The following GRID2 variants were observed in gnomAD, a reference collection of about 807,000 sequenced individuals.
GRID2 encodes glutamate ionotropic receptor delta type subunit 2.
In GRID2, 33 loss-of-function variants were observed where a neutral mutation model predicts 114.8. The observed-to-expected ratio is 0.29, with a 90% CI of 0.22 to 0.38. GRID2 has a LOEUF of 0.38. Among genes scored for constraint, GRID2 ranks in the 10% least tolerant of loss-of-function variants. The pLI is 1.00. For synonymous variants in GRID2, 505 were observed against 449.9 expected, an observed-to-expected ratio of 1.12 and a Z score of -1.55; for missense variants, 1,184 against 1,257.7, an observed-to-expected ratio of 0.94 and a Z score of 0.89.
intron 2 of GRID2, among the ~76,000 whole-genome samples, chr4:92,982,841 T>A (rs746466240): frequency 6.6e-6 from 1 of 152,172 alleles, no homozygotes; most frequent in Non-Finnish European, 1.5e-5. Flanking sequence ...AATTTCTACT[T>A]TTTTAATTTA....
chr4:92,742,001 T>A (rs1397217555), intron 2 of GRID2, among the ~76,000 whole-genome samples: 1 of 152,182 alleles, frequency 6.6e-6, no homozygotes, highest in African/African-American at 2.4e-5. Flanking sequence ...GATGTTACTG[T>A]AGGGTGTTTC....
chr4:92,341,225 G>C (rs1420975107), intron 1 of GRID2, among the ~76,000 whole-genome samples: 1 of 152,014 alleles, frequency 6.6e-6, no homozygotes, highest in Non-Finnish European at 1.5e-5. Flanking sequence ...AATCTTATCA[G>C]TCTGCTAGCA....
At chr4:93,029,924 T>C (rs529125630) in intron 2 of GRID2, among the ~76,000 whole-genome samples, 29 of 152,290 alleles carry the variant, frequency 1.9e-4, no homozygotes, top group Non-Finnish European at 3.1e-4. Context: ...TTTCTTAGCA[T>C]GCAAATAAAA....
chr4:93,790,591 G>T (rs947424407), intron 1 of GRID2, among the ~76,000 whole-genome samples: 1 of 150,566 alleles, frequency 6.6e-6, no homozygotes, highest in Non-Finnish European at 1.5e-5. Context: ...TCTGTCGCCA[G>T]GCTGCAGTGC....
intron 1 of GRID2, among the ~76,000 whole-genome samples, chr4:92,442,950 A>G (rs28827549): frequency 0.2 from 30,138 of 151,614 alleles, 3,099 homozygotes; most frequent in Non-Finnish European, 0.24. Context: ...GGTGATAAAA[A>G]GATTATAGGG....
chr4:92,342,376 A>G (rs867914180), intron 1 of GRID2, among the ~76,000 whole-genome samples: 3 of 152,170 alleles, frequency 2.0e-5, no homozygotes, highest in Non-Finnish European at 4.4e-5. Flanking sequence ...AAATAGTGAA[A>G]CTATGAATTA....
At chr4:93,006,954 T>G (rs1481655752) in intron 2 of GRID2, among the ~76,000 whole-genome samples, 1 of 151,948 alleles carries the variant, frequency 6.6e-6, no homozygotes, top group Non-Finnish European at 1.5e-5. Flanking sequence ...CTGTCTTAAA[T>G]ATATTTTTAA....
chr4:93,109,473 T>C (rs935400616), intron 3 of GRID2, among the ~76,000 whole-genome samples: 2 of 152,208 alleles, frequency 1.3e-5, no homozygotes, highest in Non-Finnish European at 2.9e-5. Context: ...AAATGTAGTT[T>C]CTAAATTTTT....
intron 1 of GRID2, among the ~76,000 whole-genome samples, chr4:93,798,283 G>T (rs143032924): frequency 5.0e-4 from 76 of 152,228 alleles, no homozygotes; most frequent in African/African-American, 1.8e-3. Flanking sequence ...TGTGGTGTAG[G>T]ATCACAGTCT....
At chr4:92,804,610 T>C (rs1029192742) in intron 2 of GRID2, among the ~76,000 whole-genome samples, 21 of 152,168 alleles carry the variant, frequency 1.4e-4, no homozygotes, top group African/African-American at 5.1e-4. Flanking sequence ...GAAATTGTTT[T>C]CTTGATTAGT....
At chr4:93,105,543 T>G (rs1732139277) in intron 3 of GRID2, among the ~76,000 whole-genome samples, 1 of 152,220 alleles carries the variant, frequency 6.6e-6, no homozygotes, top group Non-Finnish European at 1.5e-5. Context: ...CAGTATTTTT[T>G]AGATCACAAG....
intron 8 of GRID2, among the ~76,000 whole-genome samples, chr4:93,287,863 T>C (rs1005206503): frequency 1.3e-5 from 2 of 152,230 alleles, no homozygotes; most frequent in Non-Finnish European, 2.9e-5. Context: ...GTTCCATTGA[T>C]ACCAGTCTGT....
At chr4:93,014,789 G>A (rs1262264298) in intron 2 of GRID2, among the ~76,000 whole-genome samples, 1 of 152,208 alleles carries the variant, frequency 6.6e-6, no homozygotes. Context: ...ATACACACAC[G>A]TGCATTAATA....
intron 2 of GRID2, among the ~76,000 whole-genome samples, chr4:92,989,760 T>C (rs1754752257): frequency 6.6e-6 from 1 of 152,310 alleles, no homozygotes; most frequent in South Asian, 2.1e-4. Context: ...CCAAAATCTT[T>C]CACACAATTC....
At chr4:92,735,288 A>G (rs538309550) in intron 2 of GRID2, among the ~76,000 whole-genome samples, 1 of 152,122 alleles carries the variant, frequency 6.6e-6, no homozygotes, top group African/African-American at 2.4e-5. Context: ...TCCTACATAC[A>G]TTATATTTTT....
intron 1 of GRID2, among the ~76,000 whole-genome samples, chr4:92,439,163 T>G (rs6831486): frequency 0.33 from 50,069 of 150,998 alleles, 8,774 homozygotes; most frequent in African/African-American, 0.44. Flanking sequence ...GGGTTGCAAG[T>G]TGCTCAGTGG....
At chr4:93,299,212 G>T (rs768795755) in intron 8 of GRID2, among the ~76,000 whole-genome samples, 1 of 152,072 alleles carries the variant, frequency 6.6e-6, no homozygotes, top group Non-Finnish European at 1.5e-5. Context: ...TCAGGCACTC[G>T]TAGCCCACTA....
chr4:92,508,231 T>C (rs190120528), intron 1 of GRID2, among the ~76,000 whole-genome samples: 17 of 152,064 alleles, frequency 1.1e-4, no homozygotes, highest in South Asian at 4.1e-4. Flanking sequence ...ATAGCACTTA[T>C]TGCATTCCAT....
intron 3 of GRID2, among the ~76,000 whole-genome samples, chr4:93,104,695 T>G (rs954673203): frequency 2.6e-5 from 4 of 152,218 alleles, no homozygotes; most frequent in Non-Finnish European, 5.9e-5. Flanking sequence ...ATTTTCTTAA[T>G]CCAGTCTATC....
Sources: allele counts gnomAD v4.1 joint callset (sites outside exome capture counted in the v4.1 genomes callset), GRCh38; gene constraint gnomAD v4.1.1; transcripts MANE v1.5; gene names NCBI Gene and HGNC (gene_info 2026-07-23, HGNC 2026-07-21).